The following PATE1 variants were observed in gnomAD, a reference collection of about 807,000 sequenced individuals.
The protein encoded by PATE1 is prostate and testis expressed protein 1.
A neutral mutation model predicts 13.1 loss-of-function variants in PATE1; 21 were observed. The observed-to-expected ratio is 1.61, with a 90% CI of 1.14 to 2.31. The LOEUF (loss-of-function observed/expected upper bound fraction) is 2.31. Ranked by LOEUF, PATE1 falls within the 30% of genes most tolerant of loss-of-function variation. The pLI, the probability that PATE1 is intolerant of heterozygous loss-of-function variation, is 0.00. For missense variants in PATE1, 166 were observed against 147.2 expected (o/e 1.13, Z -0.66); for synonymous variants, 52 against 47.1 (o/e 1.10, Z -0.43).
At chr11:125,748,454 G>GGGTTTCT in intron 4 of PATE1, 146 bp from the exon 5 acceptor site, 1 of 1,019,530 alleles carries the variant, frequency 9.8e-7, no homozygotes, top group Non-Finnish European at 1.4e-6. Flanking sequence ...CCCCCAGCTT[G>GGGTTTCT]CAACATCTTC....
At position 125,748,472 on chromosome 11, in the gene PATE1, T is replaced by C. The variant is rs960967035; in HGVS notation, c.248-128T>C. 1.2e-5 allele frequency: 14 copies of C among 1,174,844 alleles called. No individual in the cohort carries two copies. In the African/African-American group the frequency reaches 2.2e-4, roughly 18 times the overall value. 72.8% of individuals were successfully genotyped at this position (1,174,844 alleles called of 1,614,324 possible). On this transcript the variant is annotated intron_variant, in intron 4 of 4. Coordinates refer to ENST00000305738, the MANE Select transcript of PATE1 (RefSeq NM_138294.3). Reference sequence around the variant, plus strand: ...CCAGCTTGCAACATCTTCCAGTTCTTTACATTTGAATAACGGAGCTTTGAA... The same window carrying C: ...CCAGCTTGCAACATCTTCCAGTTCTCTACATTTGAATAACGGAGCTTTGAA...
Position 125,748,827 on chromosome 11 carries a change from C to T in PATE1, c.*94C>T, listed in dbSNP as rs1591457125. ...TTCTAAAAAAAATCACACACACACA[C>T]ACACACACTACAGAAGAGGATTGCA... On this transcript the variant is annotated 3_prime_UTR_variant, in exon 5 of 5. Transcript: ENST00000305738. The T allele has an allele frequency of 2.1e-6, 3 of 1,432,548 alleles. No homozygotes were observed. Among genetic ancestry groups the T allele is most frequent in the African/African-American group, 1.4e-5 (1 of 69,970 alleles). The allele number at this position is 1,432,548 out of a possible 1,614,324, so 88.7% of individuals were successfully genotyped here. A position where few individuals can be genotyped will look rare whatever the true frequency, so the allele number is the denominator to read the frequency against.
At chr11:125,746,894 A>G (rs1943276853) in intron 2 of PATE1, among the ~76,000 whole-genome samples, 198 bp downstream of exon 2, 1 of 152,184 alleles carries the variant, frequency 6.6e-6, no homozygotes. Context: ...ATTAGCATCA[A>G]CTGACAAGGT....
intron 4 of PATE1, 57 bp from the exon 5 acceptor site, chr11:125,748,543 T>G (rs923165682): frequency 1.3e-5 from 20 of 1,586,954 alleles, no homozygotes; most frequent in Non-Finnish European, 1.7e-5. Context: ...GGAGAAAAGT[T>G]TTTTAGCAGA....
In PATE1 at chr11:125,748,721, T is replaced by C; in HGVS notation, c.369T>C (p.Asn123=). 6.2e-7 allele frequency: 1 copy of C among 1,613,686 alleles called. No individual in the cohort carries two copies. Among genetic ancestry groups the C allele is most frequent in the South Asian group, 1.1e-5 (1 of 90,994 alleles). The change falls in exon 5 of 5, where the codon AAT becomes AAC. Residue 123 remains asparagine, a synonymous_variant. Coordinates refer to ENST00000305738, the MANE Select transcript of PATE1 (RefSeq NM_138294.3). ...GCTGCAGGAGCCATGACCTGTGCAA[T>C]GAAGACCTTTAGAAGTTAATGGTTC... ...FRCCRSHDLC[N]EDL
chr11:125,746,595 G>T, intron 1 of PATE1, 66 bp from the exon 2 acceptor site: 1 of 1,575,526 alleles, frequency 6.3e-7, no homozygotes, highest in Non-Finnish European at 8.7e-7. Context: ...GATGTTCATA[G>T]AAGCTTTGAG....
chr11:125,747,563 A>C lies in PATE1; in HGVS notation c.125-137A>C. ...CTCTCTTGGCTTAGTGTATTTCCAC[A>C]GAGGAAGAGGTTCACGCTTGATGGG... On this transcript the variant is annotated intron_variant, in intron 3 of 4. Coordinates refer to ENST00000305738, the MANE Select transcript of PATE1 (RefSeq NM_138294.3). 2.1e-6 allele frequency: 3 copies of C among 1,441,274 alleles called. No homozygotes were observed. In the South Asian group the frequency reaches 3.7e-5, roughly 18 times the overall value. 89.3% of individuals were successfully genotyped at this position (1,441,274 alleles called of 1,614,324 possible).
intron 1 of PATE1, 122 bp from the exon 2 acceptor site, chr11:125,746,539 C>T: frequency 2.2e-6 from 3 of 1,377,224 alleles, no homozygotes; most frequent in Admixed American, 1.8e-5. Context: ...AGCTCTTCTC[C>T]CTTCCTTTAT....
Position 125,746,313 on chromosome 11 carries a change from G to C in PATE1, c.9G>C (p.Lys3Asn). MD[K>N]SLLLELPILL... ...CCCTCCCTCTTTCCAAAATGGACAA[G>C]TCCCTCTTGCTGGAACTCCCCATCC... is the stretch of plus-strand genomic sequence containing the variant. Residue 3 changes from lysine (K) to asparagine (N), a missense_variant, in exon 1 of 5, where the codon AAG becomes AAC. By Grantham distance (94) the Lys-to-Asn change is moderately conservative. Coordinates refer to ENST00000305738, the MANE Select transcript of PATE1 (RefSeq NM_138294.3). 6.2e-7 allele frequency: 1 copy of C among 1,613,908 alleles called. No individual in the cohort carries two copies. Among genetic ancestry groups the C allele is most frequent in the Non-Finnish European group, 8.5e-7 (1 of 1,179,860 alleles).
Position 125,748,508 on chromosome 11 carries a change from T to C in PATE1, c.248-92T>C, listed in dbSNP as rs925055920. On this transcript the variant is annotated intron_variant, in intron 4 of 4. Coordinates refer to ENST00000305738, the MANE Select transcript of PATE1 (RefSeq NM_138294.3). ...TAACGGAGCTTTGAACTACACAAGA[T>C]TATTTCTATATGTTGGTGTGGTCTG... The C allele has an allele frequency of 1.1e-5, 16 of 1,422,620 alleles. No individual in the cohort carries two copies. In the African/African-American group the frequency reaches 2.2e-4, roughly 19 times the overall value. 88.1% of individuals were successfully genotyped at this position (1,422,620 alleles called of 1,614,324 possible). A position where few individuals can be genotyped will look rare whatever the true frequency, so the allele number is the denominator to read the frequency against.
Position 125,747,084 on chromosome 11 carries a change from G to A in PATE1, c.89-292G>A, listed in dbSNP as rs564138664. On this transcript the variant is annotated intron_variant, in intron 2 of 4. Coordinates refer to ENST00000305738, the MANE Select transcript of PATE1 (RefSeq NM_138294.3). ...CCACACAGAGTCAATTAAAAAGAAG[G>A]GAATGAAGCAAAAAAGCAGGTGCAC... is the stretch of plus-strand genomic sequence containing the variant. Among the ~76,000 whole-genome samples, 4 of 152,202 alleles carry A rather than the reference G, an allele frequency of 2.6e-5. No individual in the cohort carries two copies. The East Asian group carries it at 7.7e-4, about 29-fold the overall frequency.
At chr11:125,746,730 G>A (rs774826545) in intron 2 of PATE1, 34 bp downstream of exon 2, 3 of 1,611,358 alleles carry the variant, frequency 1.9e-6, no homozygotes, top group Non-Finnish European at 2.5e-6. Flanking sequence ...ATGAGAAGGG[G>A]AAGGTCTGAG....
At chr11:125,748,554 A>C in intron 4 of PATE1, 46 bp from the exon 5 acceptor site, 1 of 1,594,464 alleles carries the variant, frequency 6.3e-7, no homozygotes, top group Non-Finnish European at 8.5e-7. Context: ...TTTTAGCAGA[A>C]CTTTCATGGC....
chr11:125,748,458 C>T (rs1943293086), intron 4 of PATE1, 142 bp from the exon 5 acceptor site: 2 of 1,063,532 alleles, frequency 1.9e-6, no homozygotes, highest in African/African-American at 1.6e-5. Flanking sequence ...CAGCTTGCAA[C>T]ATCTTCCAGT....
chr11:125,746,821 C>G, intron 2 of PATE1, 125 bp downstream of exon 2: 1 of 932,778 alleles, frequency 1.1e-6, no homozygotes, highest in Middle Eastern at 2.7e-4. Context: ...TTCCAACACG[C>G]AACAACCTCT....
chr11:125,747,520 G>T, intron 3 of PATE1, 109 bp downstream of exon 3: 1 of 1,425,758 alleles, frequency 7.0e-7, no homozygotes, highest in South Asian at 1.2e-5. Context: ...AAATTCCTGA[G>T]ACCATAAACC....
chr11:125,746,552 G>A, intron 1 of PATE1, 109 bp from the exon 2 acceptor site: 2 of 1,429,986 alleles, frequency 1.4e-6, no homozygotes, highest in South Asian at 1.2e-5. Context: ...TCCTTTATGG[G>A]GGGAAATAGG....
At chr11:125,748,137 G>C (rs78394087) in intron 4 of PATE1, 9 of 342,252 alleles carry the variant, frequency 2.6e-5, no homozygotes, top group Non-Finnish European at 4.9e-5. Flanking sequence ...TGTGGAGGGG[G>C]CTTTTGGTTC....
At chr11:125,746,590 T>G in intron 1 of PATE1, 71 bp from the exon 2 acceptor site, 3 of 1,570,838 alleles carry the variant, frequency 1.9e-6, no homozygotes, top group Non-Finnish European at 2.6e-6. Context: ...GAGTGGATGT[T>G]CATAGAAGCT....
Sources: allele counts gnomAD v4.1 joint callset (sites outside exome capture counted in the v4.1 genomes callset), GRCh38; gene constraint gnomAD v4.1.1; transcripts MANE v1.5; gene names NCBI Gene and HGNC (gene_info 2026-07-23, HGNC 2026-07-21).